ZDHHC11B: variants seen among roughly 807,000 people sequenced by gnomAD.
ZDHHC11B encodes the protein probable palmitoyltransferase ZDHHC11B.
In ZDHHC11B, 17 loss-of-function variants were observed where a neutral mutation model predicts 42.3. The observed-to-expected ratio is 0.40, with a 90% confidence interval of 0.27 to 0.60. The LOEUF (loss-of-function observed/expected upper bound fraction) is 0.60, where lower values mean the gene tolerates loss of function less well. Among genes scored for constraint, ZDHHC11B ranks in the 20% least tolerant of loss-of-function variants. ZDHHC11B has a pLI of 0.41. For synonymous variants in ZDHHC11B, 123 were observed against 193.5 expected, an observed-to-expected ratio of 0.64 and a Z score of 3.02; for missense variants, 262 against 463.2, an observed-to-expected ratio of 0.57 and a Z score of 3.99.
chr5:743,231 G>A (rs1744367760), intron 9 of ZDHHC11B, among the ~76,000 whole-genome samples: 2 of 149,346 alleles, frequency 1.3e-5, no homozygotes, highest in Non-Finnish European at 3.0e-5. Context: ...ATCTGTCTCT[G>A]TCGGCGCCAC....
At position 741,038 on chromosome 5, in the gene ZDHHC11B, C is replaced by T. The variant is rs1213371402; in HGVS notation, c.935+556G>A. 6.9e-5 allele frequency among the ~76,000 whole-genome samples: 8 copies of T among 115,118 alleles called. No individual in the cohort carries two copies. In the South Asian group the frequency reaches 1.1e-3, roughly 16 times the overall value. 75.5% of individuals were successfully genotyped at this position (115,118 alleles called of 152,430 possible). ...AGAGAGTCTGTGAAGATTGAAAATG[C>T]GCGTGCCCTTTGACTCTCAGCTTCC... On this transcript the variant is annotated intron_variant, in intron 10 of 13. Transcript: ENST00000508859.
At chr5:775,920 C>CT (rs1189049361) in intron 1 of ZDHHC11B, among the ~76,000 whole-genome samples, 1 of 145,944 alleles carries the variant, frequency 6.9e-6, no homozygotes. Flanking sequence ...CAGCTGGTGA[C>CT]AGGAGCTGTC....
chr5:750,900 C>G (rs1310997480), intron 7 of ZDHHC11B, among the ~76,000 whole-genome samples: 17 of 122,798 alleles, frequency 1.4e-4, no homozygotes, highest in Admixed American at 6.7e-4. Flanking sequence ...CTGGCAGCAT[C>G]TACAGAGCAG....
intron 13 of ZDHHC11B, among the ~76,000 whole-genome samples, chr5:716,536 G>A (rs1228900028): frequency 2.0e-5 from 3 of 151,760 alleles, no homozygotes; most frequent in African/African-American, 4.9e-5. Flanking sequence ...AGGCAAGTAT[G>A]GAAATGAGCA....
chr5:764,104 C>A (rs1287178276), intron 4 of ZDHHC11B, among the ~76,000 whole-genome samples: 1 of 151,964 alleles, frequency 6.6e-6, no homozygotes, highest in Non-Finnish European at 1.5e-5. Context: ...CTGCATCCAG[C>A]CCCTACACCT....
At position 717,450 on chromosome 5, in the gene ZDHHC11B, C is replaced by T. The variant is rs139545779; in HGVS notation, c.1059-585G>A. ...GTTGGGGATCCGGCTTAAGTTGCAA[C>T]GCTGAATGTGTCAGGAATTAGAGAC... On this transcript the variant is annotated intron_variant, in intron 12 of 13. Transcript: ENST00000508859. Among the ~76,000 whole-genome samples the T allele has an allele frequency of 1.8e-3, 277 of 151,710 alleles. 11 individuals carry two copies. The highest frequency in any genetic ancestry group is 6.4e-3 in the African/African-American group (264 of 41,192).
chr5:719,211 T>C (rs1355996691), intron 12 of ZDHHC11B, among the ~76,000 whole-genome samples: 1 of 151,700 alleles, frequency 6.6e-6, no homozygotes, highest in African/African-American at 2.4e-5. Context: ...CACTTGATTT[T>C]TAGAGATACC....
At chr5:763,901 T>C (rs1225773359) in intron 4 of ZDHHC11B, among the ~76,000 whole-genome samples, 139 of 151,942 alleles carry the variant, frequency 9.1e-4, no homozygotes, top group African/African-American at 3.2e-3. Flanking sequence ...GCATGTGAGA[T>C]ATAAAACAAG....
intron 8 of ZDHHC11B, among the ~76,000 whole-genome samples, chr5:745,703 G>A (rs1214756110): frequency 6.7e-6 from 1 of 150,086 alleles, no homozygotes; most frequent in African/African-American, 2.4e-5. Flanking sequence ...GCTCAGGAGG[G>A]GCCGCTCTGT....
Position 715,740 on chromosome 5 carries a change from C to T in ZDHHC11B, c.*7+1061G>A, listed in dbSNP as rs541225091. ...GGGCTTTCAAGGTGATGTCTATTCC[C>T]AGTTCTGCAAAATTTTCACAGGATT... is the stretch of plus-strand genomic sequence containing the variant. On this transcript the variant is annotated intron_variant, in intron 13 of 13. Coordinates refer to ENST00000508859, the MANE Select transcript of ZDHHC11B (RefSeq NM_001351303.2). Among the ~76,000 whole-genome samples the T allele has an allele frequency of 8.6e-5, 13 of 151,504 alleles. No individual in the cohort carries two copies. The South Asian group carries it at 2.1e-3, about 24-fold the overall frequency.
intron 10 of ZDHHC11B, among the ~76,000 whole-genome samples, chr5:738,078 CT>C (rs1372414321): frequency 1.6e-5 from 1 of 64,188 alleles, no homozygotes; most frequent in Non-Finnish European, 3.2e-5. Flanking sequence ...GCTTCTAAAT[CT>C]GATAAATGAA....
At chr5:749,012 G>A (rs28502446) in intron 7 of ZDHHC11B, among the ~76,000 whole-genome samples, 210 of 43,682 alleles carry the variant, frequency 4.8e-3, no homozygotes, top group African/African-American at 0.014. Context: ...ACTAAGTGCT[G>A]GGGTCACAGT....
chr5:748,615 A>C (rs1471917695), intron 7 of ZDHHC11B, 56 bp from the exon 8 acceptor site: 9 of 1,311,076 alleles, frequency 6.9e-6, no homozygotes, highest in Non-Finnish European at 9.1e-6. Context: ...GTGCCACATC[A>C]GGTGGATGTC....
intron 4 of ZDHHC11B, among the ~76,000 whole-genome samples, chr5:761,800 C>T (rs549223816): frequency 2.6e-5 from 4 of 152,008 alleles, no homozygotes; most frequent in African/African-American, 4.8e-5. Context: ...GGGAAGGCCA[C>T]GGAGCAGACA....
At chr5:713,604 T>C (rs538966894) in intron 13 of ZDHHC11B, among the ~76,000 whole-genome samples, 1 of 152,156 alleles carries the variant, frequency 6.6e-6, no homozygotes, top group South Asian at 2.1e-4. Flanking sequence ...GGAATTATGC[T>C]TGGCTCCTGG....
intron 3 of ZDHHC11B, 115 bp downstream of exon 3, chr5:767,277 G>A: frequency 7.3e-6 from 9 of 1,232,510 alleles, no homozygotes; most frequent in Non-Finnish European, 1.0e-5. Context: ...GCTGCCATCT[G>A]GACGGCTGCG....
chr5:729,125 G>A (rs1199728633), intron 12 of ZDHHC11B, among the ~76,000 whole-genome samples: 1 of 151,476 alleles, frequency 6.6e-6, no homozygotes, highest in Non-Finnish European at 1.5e-5. Context: ...GGTGACCTCA[G>A]CAGTCTGGGG....
At chr5:746,675 C>G (rs28676771) in intron 8 of ZDHHC11B, among the ~76,000 whole-genome samples, 20,062 of 145,356 alleles carry the variant, frequency 0.14, 706 homozygotes, top group African/African-American at 0.29. Flanking sequence ...CAAGGGCCAG[C>G]CACACTTGTT....
intron 12 of ZDHHC11B, among the ~76,000 whole-genome samples, chr5:717,545 C>T (rs1273456964): frequency 6.6e-6 from 1 of 151,794 alleles, no homozygotes; most frequent in African/African-American, 2.4e-5. Context: ...CTAGGGACTT[C>T]TAAATCAAAA....
Sources: gnomAD v4.1 joint callset for allele counts (sites outside exome capture counted in the v4.1 genomes callset) on GRCh38, gnomAD v4.1.1 for gene constraint, MANE v1.5 for transcripts, NCBI Gene and HGNC (gene_info 2026-07-23, HGNC 2026-07-21) for gene names.